CMYA5: variants seen among roughly 807,000 people sequenced by gnomAD.
CMYA5 encodes cardiomyopathy-associated protein 5.
Under a neutral mutation model 318.9 loss-of-function variants are expected in CMYA5, and 246 were observed. The ratio of observed to expected loss-of-function variants is 0.77; its 90% CI spans 0.70 to 0.86. CMYA5 has a LOEUF of 0.86. Ranked by LOEUF, CMYA5 falls within the 40% of genes least tolerant of loss-of-function variation. The pLI is 0.00. For synonymous variants in CMYA5, 1,641 were observed against 1,729.5 expected (o/e 0.95, Z 1.27); for missense variants, 4,589 against 4,678.2 (o/e 0.98, Z 0.56).
intron 1 of CMYA5, among the ~76,000 whole-genome samples, chr5:79,726,282 C>A (rs1009221121): frequency 6.6e-6 from 1 of 152,158 alleles, no homozygotes; most frequent in Non-Finnish European, 1.5e-5. Flanking sequence ...CTTCTACATT[C>A]ATGGGCATTC....
In CMYA5 at chr5:79,717,884, A is replaced by ATTTTTTTTTT. The variant is rs1282948127; in HGVS notation, c.150-11018_150-11009dup. ...ATAAAAGTTCCTTTTAACCTAAGCT[A>ATTTTTTTTTT]TTTTTTTTTTTTTTTTTTTTTTGAG... On this transcript the variant is annotated intron_variant, in intron 1 of 12. Transcript: ENST00000446378. 1.1e-4 allele frequency among the ~76,000 whole-genome samples: 10 copies of ATTTTTTTTTT among 91,774 alleles called. 3 individuals are homozygous for ATTTTTTTTTT. The highest frequency in any genetic ancestry group is 6.4e-4 in the African/African-American group (10 of 15,696). 60.2% of individuals were successfully genotyped at this position (91,774 alleles called of 152,430 possible).
intron 1 of CMYA5, among the ~76,000 whole-genome samples, chr5:79,694,477 C>A (rs1172758617): frequency 6.6e-6 from 1 of 152,132 alleles, no homozygotes; most frequent in Non-Finnish European, 1.5e-5. Context: ...AACTTTTCAG[C>A]ATTTTTATTT....
Position 79,732,935 on chromosome 5 carries a change from A to T in CMYA5, c.4170A>T (p.Lys1390Asn). 1 of 1,613,740 alleles carries T rather than the reference A, an allele frequency of 6.2e-7. No individual in the cohort carries two copies. Among genetic ancestry groups the T allele is most frequent in the African/African-American group, 1.3e-5 (1 of 75,040 alleles). The change falls in exon 2 of 13, where the codon AAA (lysine) becomes AAT (asparagine). Residue 1390 changes from lysine (K) to asparagine (N), a missense_variant. Lys to Asn is a moderately conservative substitution (Grantham distance 94). Coordinates refer to ENST00000446378, the MANE Select transcript of CMYA5 (RefSeq NM_153610.5). Reference sequence around the variant, plus strand: ...CTGTAGATCGTCCAGTCTTAACAAAAGTAGGAAAGGGTGAATTAGGAAGTG... The same window carrying T: ...CTGTAGATCGTCCAGTCTTAACAAATGTAGGAAAGGGTGAATTAGGAAGTG... ...ITPVDRPVLT[K>N]VGKGELGSGL...
At chr5:79,719,900 G>A (rs949726117) in intron 1 of CMYA5, among the ~76,000 whole-genome samples, 1 of 152,006 alleles carries the variant, frequency 6.6e-6, no homozygotes, top group African/African-American at 2.4e-5. Flanking sequence ...AGAACTGAAA[G>A]CAATGAAAAG....
At chr5:79,763,905 T>C (rs1401551873) in intron 9 of CMYA5, among the ~76,000 whole-genome samples, 1 of 152,212 alleles carries the variant, frequency 6.6e-6, no homozygotes, top group African/African-American at 2.4e-5. Flanking sequence ...CATATTTTGA[T>C]AGAGAGGTTT....
chr5:79,717,345 C>T (rs1273642156), intron 1 of CMYA5, among the ~76,000 whole-genome samples: 1 of 152,162 alleles, frequency 6.6e-6, no homozygotes, highest in South Asian at 2.1e-4. Context: ...TTGATTCCTG[C>T]TTACAGAAAG....
intron 1 of CMYA5, among the ~76,000 whole-genome samples, chr5:79,690,692 G>A (rs2151072894): frequency 6.6e-6 from 1 of 152,236 alleles, no homozygotes; most frequent in African/African-American, 2.4e-5. Context: ...CTTTAAGAAG[G>A]CCCTAAAATG....
chr5:79,769,963 G>C lies in CMYA5; in HGVS notation c.11555+6754G>C, dbSNP rs991998253. Among the ~76,000 whole-genome samples the C allele has an allele frequency of 4.6e-5, 7 of 152,204 alleles. No individual in the cohort carries two copies. The East Asian group carries it at 1.3e-3, about 29-fold the overall frequency. ...ATGGGAGTTTTATCTATAAGCCCCT[G>C]ACTGGGGCTGCTACCTTTCTTTCAG... On this transcript the variant is annotated intron_variant, in intron 9 of 12. Coordinates refer to ENST00000446378, the MANE Select transcript of CMYA5 (RefSeq NM_153610.5).
At chr5:79,792,389 A>G (rs1829196212) in intron 11 of CMYA5, among the ~76,000 whole-genome samples, 1 of 152,240 alleles carries the variant, frequency 6.6e-6, no homozygotes, top group Non-Finnish European at 1.5e-5. Context: ...CAAAACATCA[A>G]AAAGAAAATA....
chr5:79,787,435 A>T (rs1829100955), intron 9 of CMYA5, among the ~76,000 whole-genome samples: 2 of 152,212 alleles, frequency 1.3e-5, no homozygotes, highest in Admixed American at 6.5e-5. Context: ...TAAGCAATAC[A>T]TCTACCCCAG....
chr5:79,722,359 G>T lies in CMYA5; in HGVS notation c.150-6556G>T, dbSNP rs72635613. 2.0e-5 allele frequency among the ~76,000 whole-genome samples: 3 copies of T among 152,200 alleles called. No homozygotes were observed. The East Asian group carries it at 5.8e-4, about 29-fold the overall frequency. ...CTTGACTTCACATGTTAGAAAAAGG[G>T]ACAGTTTGAAAATTAATGACATAAG... On this transcript the variant is annotated intron_variant, in intron 1 of 12. Transcript: ENST00000446378.
At chr5:79,773,805 CAAGAGCTAAATG>C (rs1180506891) in intron 9 of CMYA5, among the ~76,000 whole-genome samples, 1 of 152,208 alleles carries the variant, frequency 6.6e-6, no homozygotes, top group Non-Finnish European at 1.5e-5. Flanking sequence ...AGATAGGGAG[CAAGAGCTAAATG>C]AGTTCACATT....
chr5:79,723,459 A>AAT (rs397762693), intron 1 of CMYA5, among the ~76,000 whole-genome samples: 2 of 147,116 alleles, frequency 1.4e-5, no homozygotes, highest in Non-Finnish European at 3.0e-5. Flanking sequence ...AAAAAAAAAA[A>AAT]GAAAAGAAAA....
At chr5:79,748,750 C>T (rs189517015) in intron 5 of CMYA5, among the ~76,000 whole-genome samples, 12 of 151,884 alleles carry the variant, frequency 7.9e-5, no homozygotes, top group Admixed American at 2.6e-4. Context: ...TGTCATGTTG[C>T]CCAGGCTGAT....
chr5:79,744,713 A>G (rs1828283282), intron 3 of CMYA5, among the ~76,000 whole-genome samples: 1 of 152,190 alleles, frequency 6.6e-6, no homozygotes, highest in Non-Finnish European at 1.5e-5. Context: ...TAGCCCCACT[A>G]GTGAGGATAG....
intron 1 of CMYA5, 44 bp downstream of exon 1, chr5:79,690,100 T>C (rs1050100951): frequency 6.1e-5 from 85 of 1,387,032 alleles, no homozygotes; most frequent in Non-Finnish European, 7.5e-5. Flanking sequence ...GCAGGGCAGC[T>C]AGCAGCACCC....
intron 1 of CMYA5, among the ~76,000 whole-genome samples, chr5:79,724,898 T>C (rs1350906880): frequency 1.3e-5 from 2 of 152,198 alleles, no homozygotes; most frequent in African/African-American, 4.8e-5. Context: ...TTATATCCTA[T>C]GACCTTTTCT....
rs193140185 is a variant in CMYA5, at chr5:79,731,556, C to T, written c.2791C>T (p.Pro931Ser). 375 of 1,609,178 alleles carry T rather than the reference C, an allele frequency of 2.3e-4. 3 individuals carry two copies. In the African/African-American group the frequency reaches 4.1e-3, roughly 17 times the overall value. ...RSLNLKGASS[P>S]MNLSEEDQED... is the part of the protein sequence containing the mutation. ...TCTAAATCTAAAAGGTGCATCCTCACCCATGAATTTATCAGAAGAAGATCA... is the reference window on the plus strand; with the variant it reads ...TCTAAATCTAAAAGGTGCATCCTCATCCATGAATTTATCAGAAGAAGATCA... Residue 931 changes from proline (P) to serine (S), a missense_variant, in exon 2 of 13, where the codon CCC (proline) becomes TCC (serine). Transcript: ENST00000446378.
chr5:79,719,922 G>T (rs757333732), intron 1 of CMYA5, among the ~76,000 whole-genome samples: 2 of 152,084 alleles, frequency 1.3e-5, no homozygotes, highest in Non-Finnish European at 2.9e-5. Context: ...ATGGAAATTC[G>T]AAAACTGAAA....
Sources: gnomAD v4.1 joint callset for allele counts (sites outside exome capture counted in the v4.1 genomes callset) on GRCh38, gnomAD v4.1.1 for gene constraint, MANE v1.5 for transcripts, NCBI Gene and HGNC (gene_info 2026-07-23, HGNC 2026-07-21) for gene names.